CDK8: variants seen among roughly 807,000 people sequenced by gnomAD.
CDK8 encodes the protein cyclin dependent kinase 8, also known as cyclin-dependent kinase 8.
CDK8 carries 29 observed loss-of-function variants against 71.5 expected under a neutral mutation model. The observed-to-expected ratio is 0.41, with a 90% CI of 0.30 to 0.55. The LOEUF (loss-of-function observed/expected upper bound fraction) is 0.55, where lower values mean the gene tolerates loss of function less well. CDK8 is among the 20% of genes least tolerant of loss of function. The pLI, the probability that CDK8 is intolerant of heterozygous loss-of-function variation, is 0.37. For missense variants in CDK8, 288 were observed against 572.6 expected (o/e 0.50, Z 5.07); for synonymous variants, 161 against 192.1 (o/e 0.84, Z 1.34).
In CDK8 at chr13:26,395,928, T is replaced by C. The variant is rs184151251; in HGVS notation, c.791-357T>C. On this transcript the variant is annotated intron_variant, in intron 7 of 12. Transcript: ENST00000381527. Reference sequence around the variant, plus strand: ...TTGCTGACTTAACCAAGAAATTTGGTAGAAAAGGGGAAATAAGCAGTTTTA... The same window carrying C: ...TTGCTGACTTAACCAAGAAATTTGGCAGAAAAGGGGAAATAAGCAGTTTTA... Among the ~76,000 whole-genome samples, 955 of 152,252 alleles carry C rather than the reference T, an allele frequency of 6.3e-3. 4 individuals are homozygous for C. Among genetic ancestry groups the C allele is most frequent in the Admixed American group, 0.011 (167 of 15,288 alleles).
chr13:26,385,075 A>C, intron 5 of CDK8, 136 bp from the exon 6 acceptor site: 2 of 679,328 alleles, frequency 2.9e-6, no homozygotes, highest in Non-Finnish European at 4.8e-6. Context: ...GACTTCTAAA[A>C]TGGATGTTTT....
At chr13:26,255,190 A>G (rs1871467778) in intron 1 of CDK8, among the ~76,000 whole-genome samples, 1 of 151,716 alleles carries the variant, frequency 6.6e-6, no homozygotes, top group Non-Finnish European at 1.5e-5. Flanking sequence ...GAAGGCTGTG[A>G]TCCTTTCCCC....
At position 26,254,802 on chromosome 13, in the gene CDK8, T is replaced by C. The variant is rs746009763; in HGVS notation, c.128+33T>C. 1.2e-6 allele frequency: 2 copies of C among 1,603,534 alleles called. No individual in the cohort carries two copies. The highest frequency in any genetic ancestry group is 1.7e-6 in the Non-Finnish European group (2 of 1,173,858). ...TGTGTGTCTGGGCCGGTGTCCGCGC[T>C]GGGCGGCGCTCCCGCAGGCCGAGGC... On this transcript the variant is annotated intron_variant, in intron 1 of 12. Coordinates refer to ENST00000381527, the MANE Select transcript of CDK8 (RefSeq NM_001260.3). The surrounding 1 kb of genome is among the most constrained non-coding windows in gnomAD (Gnocchi z 6.7).
intron 4 of CDK8, among the ~76,000 whole-genome samples, chr13:26,364,997 G>A (rs1300024838): frequency 6.6e-6 from 1 of 151,988 alleles, no homozygotes; most frequent in Non-Finnish European, 1.5e-5. Flanking sequence ...CCTGTTAAGC[G>A]TGTTTAAAAC....
chr13:26,259,752 G>T (rs1871689191), intron 1 of CDK8, among the ~76,000 whole-genome samples: 1 of 152,108 alleles, frequency 6.6e-6, no homozygotes, highest in African/African-American at 2.4e-5. Flanking sequence ...CTTTTACTGT[G>T]TCTTTGAACA....
At chr13:26,303,558 T>G (rs1264133468) in intron 1 of CDK8, among the ~76,000 whole-genome samples, 1 of 152,172 alleles carries the variant, frequency 6.6e-6, no homozygotes, top group East Asian at 1.9e-4. Flanking sequence ...CCACCACGCC[T>G]GGCCTAGAAA....
chr13:26,400,245 A>G (rs1876191299), intron 9 of CDK8: 2 of 515,780 alleles, frequency 3.9e-6, no homozygotes, highest in Non-Finnish European at 6.9e-6. Flanking sequence ...AGCAAGAGTA[A>G]AACAAGTGAG....
At chr13:26,302,227 A>G (rs1188918169) in intron 1 of CDK8, among the ~76,000 whole-genome samples, 2 of 152,234 alleles carry the variant, frequency 1.3e-5, no homozygotes, top group African/African-American at 4.8e-5. Context: ...TTATGAACTG[A>G]ATTAAAGACT....
intron 1 of CDK8, among the ~76,000 whole-genome samples, chr13:26,292,201 A>G (rs1029994450): frequency 6.6e-6 from 1 of 152,176 alleles, no homozygotes; most frequent in Non-Finnish European, 1.5e-5. Flanking sequence ...AACAATGAAG[A>G]CATTTTTTCC....
chr13:26,372,091 G>T (rs1342116101), intron 4 of CDK8, among the ~76,000 whole-genome samples: 1 of 152,128 alleles, frequency 6.6e-6, no homozygotes, highest in Admixed American at 6.5e-5. Flanking sequence ...GGAAAGTTCA[G>T]TGTGTACTAG....
intron 4 of CDK8, among the ~76,000 whole-genome samples, chr13:26,372,701 A>G (rs1477924265): frequency 6.6e-6 from 1 of 152,140 alleles, no homozygotes; most frequent in Non-Finnish European, 1.5e-5. Context: ...TCTGCTACTG[A>G]TGAGCCAGTA....
chr13:26,308,645 T>C (rs1188833206), intron 1 of CDK8, among the ~76,000 whole-genome samples: 3 of 152,260 alleles, frequency 2.0e-5, no homozygotes, highest in Admixed American at 6.5e-5. Context: ...CTACCTCTAG[T>C]AACAAGTTTA....
intron 12 of CDK8, among the ~76,000 whole-genome samples, chr13:26,402,494 A>G (rs1180231773): frequency 1.3e-5 from 2 of 152,200 alleles, no homozygotes; most frequent in African/African-American, 4.8e-5. Context: ...AGAGAAAGAG[A>G]TGTTATTAAA....
rs544732146 is a variant in CDK8 at position 26,304,263 on chromosome 13, CA to C, written c.129-33293del. ...TGAGCAACAGAGCCAGACTCTGTCT[CA>C]AAAAAAAAAAGAAAAAAAAGAAATC... On this transcript the variant is annotated intron_variant, in intron 1 of 12. Coordinates refer to ENST00000381527, the MANE Select transcript of CDK8 (RefSeq NM_001260.3). Among the ~76,000 whole-genome samples the C allele has an allele frequency of 6.7e-3, 916 of 136,414 alleles. 10 individuals are homozygous for C. The highest frequency in any genetic ancestry group is 0.021 in the African/African-American group (799 of 38,002). The allele number at this position is 136,414 out of a possible 152,430, so 89.5% of individuals were successfully genotyped here. A position where few individuals can be genotyped will look rare whatever the true frequency, so the allele number is the denominator to read the frequency against.
At chr13:26,321,071 C>T (rs1260907269) in intron 1 of CDK8, among the ~76,000 whole-genome samples, 1 of 152,118 alleles carries the variant, frequency 6.6e-6, no homozygotes, top group African/African-American at 2.4e-5. Context: ...TCCCTGTTTG[C>T]ATATATCATG....
intron 1 of CDK8, among the ~76,000 whole-genome samples, chr13:26,303,391 C>T (rs1873904886): frequency 2.0e-5 from 3 of 152,014 alleles, no homozygotes; most frequent in South Asian, 4.1e-4. Flanking sequence ...ACCTCCGCCT[C>T]CTGGGTTCAA....
chr13:26,366,612 A>G (rs2138020307), intron 4 of CDK8, among the ~76,000 whole-genome samples: 1 of 152,190 alleles, frequency 6.6e-6, no homozygotes, highest in Non-Finnish European at 1.5e-5. Context: ...TATCTTACTA[A>G]AAGTATAATA....
At position 26,254,635 on chromosome 13, in the gene CDK8, T is replaced by C; in HGVS notation, c.-7T>C. 6.4e-7 allele frequency: 1 copy of C among 1,567,504 alleles called. No individual in the cohort carries two copies. The highest frequency in any genetic ancestry group is 8.7e-7 in the Non-Finnish European group (1 of 1,150,868). On this transcript the variant is annotated 5_prime_UTR_variant, in exon 1 of 13. Transcript: ENST00000381527. The surrounding 1 kb of genome is among the most constrained non-coding windows in gnomAD (Gnocchi z 6.7). ...GACCCAGCTCTCCGGCCTCAGAGGC[T>C]GTGACAATGGACTATGACTTTAAAG...
At chr13:26,378,942 A>G (rs1177947628) in intron 4 of CDK8, among the ~76,000 whole-genome samples, 1 of 152,230 alleles carries the variant, frequency 6.6e-6, no homozygotes, top group African/African-American at 2.4e-5. Context: ...TTATTCATCA[A>G]GTCTTTTGAA....
Sources: gnomAD v4.1 joint callset for allele counts (sites outside exome capture counted in the v4.1 genomes callset) on GRCh38, gnomAD v4.1.1 for gene constraint, Gnocchi (gnomAD v3.1) non-coding constraint, MANE v1.5 for transcripts, NCBI Gene and HGNC (gene_info 2026-07-23, HGNC 2026-07-21) for gene names.